The following NCKAP5 variants were observed in gnomAD, a reference collection of about 807,000 sequenced individuals.
NCKAP5 encodes the protein NCK associated protein 5.
A neutral mutation model predicts 167.0 loss-of-function variants in NCKAP5; 92 were observed. The observed-to-expected ratio is 0.55, with a 90% CI of 0.47 to 0.66. NCKAP5 has a LOEUF of 0.66. Ranked by LOEUF, NCKAP5 falls within the 30% of genes least tolerant of loss-of-function variation. The pLI, the probability that NCKAP5 is intolerant of heterozygous loss-of-function variation, is 0.00. For missense variants in NCKAP5, 2,378 were observed against 2,315.0 expected, an observed-to-expected ratio of 1.03 and a Z score of -0.56; for synonymous variants, 891 against 877.4, an observed-to-expected ratio of 1.02 and a Z score of -0.27.
At chr2:133,419,923 A>G (rs1299444384) in intron 3 of NCKAP5, among the ~76,000 whole-genome samples, 1 of 152,168 alleles carries the variant, frequency 6.6e-6, no homozygotes, top group Non-Finnish European at 1.5e-5. Context: ...AGACTGGTTT[A>G]TTTTACTCAC....
chr2:133,472,428 A>G (rs1679421900), intron 3 of NCKAP5, among the ~76,000 whole-genome samples: 1 of 151,778 alleles, frequency 6.6e-6, no homozygotes, highest in Non-Finnish European at 1.5e-5. Context: ...ATCTTGGTGC[A>G]ATGGAGTTTT....
intron 4 of NCKAP5, among the ~76,000 whole-genome samples, chr2:133,291,432 G>A (rs141050780): frequency 2.0e-5 from 3 of 152,230 alleles, no homozygotes; most frequent in African/African-American, 7.2e-5. Flanking sequence ...GAGATGGGGC[G>A]GGAGGAAAGG....
chr2:133,434,536 T>C (rs764416312), intron 3 of NCKAP5, among the ~76,000 whole-genome samples: 27 of 152,230 alleles, frequency 1.8e-4, no homozygotes, highest in Non-Finnish European at 3.2e-4. Context: ...TTTCCTCATC[T>C]GCAGAATGGG....
chr2:132,684,986 C>T (rs1303025694), intron 19 of NCKAP5, among the ~76,000 whole-genome samples: 2 of 152,106 alleles, frequency 1.3e-5, no homozygotes, highest in Non-Finnish European at 2.9e-5. Context: ...TGCCTTGACC[C>T]CTGTGATATC....
chr2:132,757,067 G>A (rs190961281), intron 16 of NCKAP5, among the ~76,000 whole-genome samples: 52 of 152,266 alleles, frequency 3.4e-4, no homozygotes, highest in African/African-American at 1.2e-3. Context: ...TGGCTTGGCT[G>A]TAACAATGTT....
Position 132,970,071 on chromosome 2 carries a change from G to A in NCKAP5, c.430-6202C>T, listed in dbSNP as rs997009997. 5.3e-5 allele frequency among the ~76,000 whole-genome samples: 8 copies of A among 152,210 alleles called. No individual in the cohort carries two copies. The South Asian group carries it at 8.3e-4, about 16-fold the overall frequency. On this transcript the variant is annotated intron_variant, in intron 7 of 19. Coordinates refer to ENST00000409261, the MANE Select transcript of NCKAP5 (RefSeq NM_207363.3). ...AGGTAGAGGAAAGACCTGAGAGAGC[G>A]GAGAGAAACGTGGCTATACCCTATC...
At chr2:133,270,911 A>ATTT (rs1418899773) in intron 4 of NCKAP5, among the ~76,000 whole-genome samples, 12 of 146,076 alleles carry the variant, frequency 8.2e-5, no homozygotes, top group African/African-American at 3.1e-4. Context: ...TGTTGCTTCA[A>ATTT]ATTTTTTTTT....
chr2:133,568,761 G>GC (rs1473687415), upstream of NCKAP5, among the ~76,000 whole-genome samples: 3 of 152,196 alleles, frequency 2.0e-5, no homozygotes, highest in Non-Finnish European at 4.4e-5. Context: ...TGAAGTGCCA[G>GC]CACAGCCCTA....
chr2:133,064,301 GA>G lies in NCKAP5; in HGVS notation c.341+65676del, dbSNP rs533822849. 2.7e-4 allele frequency among the ~76,000 whole-genome samples: 41 copies of G among 152,346 alleles called. No individual in the cohort carries two copies. In the South Asian group the frequency reaches 8.5e-3, roughly 32 times the overall value. ...TCAGAAACAACACTGATTATAACTG[GA>G]AGGTGGATCTTTAAGTATACTGATA... On this transcript the variant is annotated intron_variant, in intron 6 of 19. Coordinates refer to ENST00000409261, the MANE Select transcript of NCKAP5 (RefSeq NM_207363.3).
At chr2:133,648,023 C>T in the NCKAP5 span, among the ~76,000 whole-genome samples, 1 of 151,984 alleles carries the variant, frequency 6.6e-6, no homozygotes. Flanking sequence ...CACACATAGG[C>T]TGAAAGTCAA....
At chr2:133,262,547 T>C (rs2088961401) in intron 4 of NCKAP5, among the ~76,000 whole-genome samples, 1 of 152,230 alleles carries the variant, frequency 6.6e-6, no homozygotes, top group African/African-American at 2.4e-5. Flanking sequence ...TGTTCATTTA[T>C]GCCACCTACT....
intron 4 of NCKAP5, among the ~76,000 whole-genome samples, chr2:133,240,078 A>G (rs1293386402): frequency 2.0e-5 from 3 of 152,214 alleles, no homozygotes; most frequent in Non-Finnish European, 4.4e-5. Flanking sequence ...ATTTGGAGAA[A>G]ATAAACACCT....
chr2:133,573,300 C>A (rs773318407), upstream of NCKAP5, among the ~76,000 whole-genome samples: 1 of 152,208 alleles, frequency 6.6e-6, no homozygotes, highest in Non-Finnish European at 1.5e-5. Flanking sequence ...TTCAAACTTA[C>A]AAATGCTGTT....
At chr2:133,342,129 T>C (rs548292553) in intron 3 of NCKAP5, among the ~76,000 whole-genome samples, 4 of 152,086 alleles carry the variant, frequency 2.6e-5, no homozygotes, top group Admixed American at 6.6e-5. Flanking sequence ...TTAGTAGAGA[T>C]GGGGTTTCAC....
At chr2:132,902,560 G>C (rs1464758900) in intron 8 of NCKAP5, among the ~76,000 whole-genome samples, 4 of 152,208 alleles carry the variant, frequency 2.6e-5, no homozygotes, top group African/African-American at 9.6e-5. Flanking sequence ...AGCTGCCCAG[G>C]TATTTCAAAT....
intron 19 of NCKAP5, among the ~76,000 whole-genome samples, chr2:132,685,215 C>T (rs1685774767): frequency 6.6e-6 from 1 of 152,178 alleles, no homozygotes; most frequent in Non-Finnish European, 1.5e-5. Context: ...CGATGACCTT[C>T]TCAAAGGAAG....
chr2:133,380,943 A>T (rs565435153), intron 3 of NCKAP5, among the ~76,000 whole-genome samples: 14 of 152,190 alleles, frequency 9.2e-5, no homozygotes, highest in Non-Finnish European at 2.1e-4. Flanking sequence ...GGAAGTGCTA[A>T]ACAATGTTAC....
At chr2:133,107,662 G>A (rs1191736618) in intron 6 of NCKAP5, among the ~76,000 whole-genome samples, 1 of 152,162 alleles carries the variant, frequency 6.6e-6, no homozygotes, top group Non-Finnish European at 1.5e-5. Context: ...TATGAGGCGG[G>A]TGCTGTGCCA....
chr2:133,652,763 G>A, the NCKAP5 span, among the ~76,000 whole-genome samples: 1 of 152,110 alleles, frequency 6.6e-6, no homozygotes, highest in Non-Finnish European at 1.5e-5. Context: ...AGTTGGAATA[G>A]GTAGCAACCT....
Sources: gnomAD v4.1 joint callset for allele counts (sites outside exome capture counted in the v4.1 genomes callset) on GRCh38, gnomAD v4.1.1 for gene constraint, MANE v1.5 for transcripts, NCBI Gene and HGNC (gene_info 2026-07-23, HGNC 2026-07-21) for gene names.